The following RIT2 variants were observed in gnomAD, a reference collection of about 807,000 sequenced individuals.
The protein encoded by RIT2 is Ras like without CAAX 2, also known as GTP-binding protein Rit2.
In RIT2, 24 loss-of-function variants were observed where a neutral mutation model predicts 23.7. That is an observed-to-expected ratio of 1.01 (90% CI 0.73 to 1.43). RIT2 has a LOEUF of 1.43. Among genes scored for constraint, RIT2 ranks in the 40% most tolerant of loss-of-function variants. RIT2 has a pLI of 0.00. For synonymous variants in RIT2, 107 were observed against 91.1 expected (o/e 1.17, Z -0.99); for missense variants, 236 against 266.9 (o/e 0.88, Z 0.81).
intron 4 of RIT2, among the ~76,000 whole-genome samples, chr18:42,744,819 G>A (rs1413332433): frequency 6.6e-6 from 1 of 152,130 alleles, no homozygotes; most frequent in African/African-American, 2.4e-5. Context: ...ACCATTATGG[G>A]TAAATAAGTC....
chr18:42,986,546 G>A (rs1441150329), intron 2 of RIT2, among the ~76,000 whole-genome samples: 2 of 151,808 alleles, frequency 1.3e-5, no homozygotes, highest in Non-Finnish European at 2.9e-5. Context: ...TTGTCACCCA[G>A]GCGGGAGTGC....
chr18:42,943,402 A>C (rs1340132135), intron 3 of RIT2, among the ~76,000 whole-genome samples: 2 of 151,982 alleles, frequency 1.3e-5, no homozygotes, highest in African/African-American at 4.8e-5. Flanking sequence ...AAAGTTCTCC[A>C]AGTCCCCACT....
chr18:42,779,430 C>G (rs1913753909), intron 4 of RIT2, among the ~76,000 whole-genome samples: 1 of 152,112 alleles, frequency 6.6e-6, no homozygotes, highest in Non-Finnish European at 1.5e-5. Context: ...TCATAACATC[C>G]TACAGTGCTT....
chr18:43,095,670 A>G (rs757685091), intron 1 of RIT2, among the ~76,000 whole-genome samples: 70 of 151,986 alleles, frequency 4.6e-4, no homozygotes, highest in Non-Finnish European at 7.5e-4. Context: ...GCATAGGATT[A>G]TATCTTTAAT....
chr18:43,019,873 G>A (rs1323411388), intron 2 of RIT2, among the ~76,000 whole-genome samples: 1 of 151,694 alleles, frequency 6.6e-6, no homozygotes, highest in Non-Finnish European at 1.5e-5. Context: ...AAAATCAATA[G>A]TGTTTCTATA....
intron 2 of RIT2, among the ~76,000 whole-genome samples, chr18:42,986,803 C>A (rs2144221574): frequency 6.6e-6 from 1 of 152,178 alleles, no homozygotes. Context: ...GCCCAGCCAG[C>A]TGTTTATTTT....
chr18:42,970,851 G>C (rs1167152799), intron 3 of RIT2, among the ~76,000 whole-genome samples: 4 of 151,850 alleles, frequency 2.6e-5, no homozygotes. Context: ...CCCACATCAT[G>C]TAAAGCTTTG....
chr18:43,058,191 T>C (rs1912555846), intron 1 of RIT2, among the ~76,000 whole-genome samples: 1 of 152,092 alleles, frequency 6.6e-6, no homozygotes, highest in Non-Finnish European at 1.5e-5. Context: ...GTGTCCTTTT[T>C]TTATGTATTT....
At chr18:42,822,395 A>G (rs1202058861) in intron 4 of RIT2, among the ~76,000 whole-genome samples, 1 of 152,170 alleles carries the variant, frequency 6.6e-6, no homozygotes, top group Non-Finnish European at 1.5e-5. Context: ...CTCACGTTGA[A>G]GAAAACTTAT....
At chr18:42,906,007 CATATATATATATAT>C (rs1908608866) in intron 4 of RIT2, among the ~76,000 whole-genome samples, 1 of 3,174 alleles carries the variant, frequency 3.2e-4, no homozygotes, top group Non-Finnish European at 5.7e-4. Context: ...TATATATATA[CATATATATATATAT>C]GTATATATAT....
intron 3 of RIT2, among the ~76,000 whole-genome samples, chr18:42,937,882 A>T (rs1317790807): frequency 6.6e-6 from 1 of 152,132 alleles, no homozygotes; most frequent in Non-Finnish European, 1.5e-5. Flanking sequence ...ACTCTTCAAG[A>T]GGCAAGGGAT....
intron 1 of RIT2, among the ~76,000 whole-genome samples, chr18:43,100,629 G>GA (rs1263568713): frequency 6.6e-6 from 1 of 151,882 alleles, no homozygotes; most frequent in Admixed American, 6.6e-5. Flanking sequence ...ACTGAGTTTT[G>GA]AAAAAAGGAC....
intron 4 of RIT2, among the ~76,000 whole-genome samples, chr18:42,815,218 T>C (rs893859964): frequency 6.6e-6 from 1 of 152,136 alleles, no homozygotes; most frequent in African/African-American, 2.4e-5. Flanking sequence ...CTTATTAAGC[T>C]AGTCAGGGAG....
chr18:43,080,205 C>T (rs900549854), intron 1 of RIT2, among the ~76,000 whole-genome samples: 7 of 152,302 alleles, frequency 4.6e-5, no homozygotes, highest in African/African-American at 1.4e-4. Flanking sequence ...AGAATGTATG[C>T]ACATCAGCTA....
At chr18:42,746,326 A>T (rs542057495) in intron 4 of RIT2, among the ~76,000 whole-genome samples, 4 of 152,276 alleles carry the variant, frequency 2.6e-5, no homozygotes, top group Admixed American at 6.5e-5. Flanking sequence ...AATGCATTAC[A>T]GTCTCCAACT....
intron 2 of RIT2, among the ~76,000 whole-genome samples, chr18:42,993,799 G>T (rs771029048): frequency 4.3e-4 from 66 of 151,810 alleles, no homozygotes; most frequent in Non-Finnish European, 6.8e-4. Context: ...CTCCCTCCTT[G>T]GCGATCGATC....
chr18:42,790,969 C>A (rs142884109), intron 4 of RIT2, among the ~76,000 whole-genome samples: 1 of 152,280 alleles, frequency 6.6e-6, no homozygotes, highest in Non-Finnish European at 1.5e-5. Context: ...CCATTCTTGG[C>A]TGCCCATCAG....
rs1370854256 is a variant in RIT2 at position 42,992,873 on chromosome 18, G to T, written c.161-18726C>A. On this transcript the variant is annotated intron_variant, in intron 2 of 4. Transcript: ENST00000326695. ...TACAGCCCTAGACCCTGAAAGGTCAGAAGGCCGTTTTATTATCAATATGCA... is the reference window on the plus strand; with the variant it reads ...TACAGCCCTAGACCCTGAAAGGTCATAAGGCCGTTTTATTATCAATATGCA... Among the ~76,000 whole-genome samples the T allele has an allele frequency of 3.3e-5, 5 of 152,248 alleles. No individual in the cohort carries two copies. The South Asian group carries it at 8.3e-4, about 25-fold the overall frequency.
At chr18:42,992,377 C>T (rs533990259) in intron 2 of RIT2, among the ~76,000 whole-genome samples, 276 of 152,208 alleles carry the variant, frequency 1.8e-3, no homozygotes, top group African/African-American at 5.8e-3. Context: ...AGGTGCCTGA[C>T]GTCCAGGCAT....
Sources: allele counts gnomAD v4.1 joint callset (sites outside exome capture counted in the v4.1 genomes callset), GRCh38; gene constraint gnomAD v4.1.1; transcripts MANE v1.5; gene names NCBI Gene and HGNC (gene_info 2026-07-23, HGNC 2026-07-21).